WDR72: variants seen among roughly 807,000 people sequenced by gnomAD.
WDR72 encodes the protein WD repeat-containing protein 72.
A neutral mutation model predicts 124.2 loss-of-function variants in WDR72; 120 were observed. That is an observed-to-expected ratio of 0.97 (90% CI 0.83 to 1.12). The LOEUF (loss-of-function observed/expected upper bound fraction) is 1.12. Among genes scored for constraint, WDR72 ranks in the 50% most tolerant of loss-of-function variants. The probability of loss-of-function intolerance (pLI) is 0.00; values close to 1 mark genes in which losing one functional copy is unlikely to be tolerated. For missense variants in WDR72, 1,387 were observed against 1,278.8 expected, an observed-to-expected ratio of 1.08 and a Z score of -1.29; for synonymous variants, 452 against 441.7, an observed-to-expected ratio of 1.02 and a Z score of -0.29.
chr15:53,646,249 C>T (rs1168909299), intron 14 of WDR72, among the ~76,000 whole-genome samples: 2 of 151,996 alleles, frequency 1.3e-5, no homozygotes, highest in Non-Finnish European at 2.9e-5. Context: ...AACCAAAGTC[C>T]TAATTATAAA....
chr15:53,706,371 T>TATATATATATATACATATATATATATAC (rs1567040202), intron 9 of WDR72, among the ~76,000 whole-genome samples: 3 of 52,644 alleles, frequency 5.7e-5, no homozygotes, highest in South Asian at 1.2e-3. Flanking sequence ...TATATATATA[T>TATATATATATATACATATATATATATAC]ATATATATAT....
At chr15:53,751,774 C>A (rs1461413) in intron 1 of WDR72, among the ~76,000 whole-genome samples, 1 of 152,078 alleles carries the variant, frequency 6.6e-6, no homozygotes, top group African/African-American at 2.4e-5. Flanking sequence ...CAGCATGTAC[C>A]GGTGGGTCAG....
chr15:53,703,945 T>G (rs1183925569), intron 11 of WDR72, among the ~76,000 whole-genome samples: 1 of 152,156 alleles, frequency 6.6e-6, no homozygotes, highest in Non-Finnish European at 1.5e-5. Context: ...TAAATCAGCC[T>G]AGATAAAAAC....
At chr15:53,588,320 A>G (rs11070992) in intron 18 of WDR72, among the ~76,000 whole-genome samples, 48,046 of 151,852 alleles carry the variant, frequency 0.32, 8,171 homozygotes, top group Admixed American at 0.42. Context: ...CAAGGAGTTC[A>G]CAGAGTTGGG....
chr15:53,556,059 T>G (rs1321031004), intron 18 of WDR72, among the ~76,000 whole-genome samples: 1 of 152,148 alleles, frequency 6.6e-6, no homozygotes, highest in African/African-American at 2.4e-5. Context: ...AATAAATGTT[T>G]GGATGACAAT....
In WDR72 at chr15:53,745,003, G is replaced by A. The variant is rs568859996; in HGVS notation, c.-12-11842C>T. Among the ~76,000 whole-genome samples, 71 of 144,468 alleles carry A rather than the reference G, an allele frequency of 4.9e-4. No individual in the cohort carries two copies. The South Asian group carries it at 0.015, about 31-fold the overall frequency. 94.8% of individuals were successfully genotyped at this position (144,468 alleles called of 152,430 possible). ...GGTTGTATCCAGCATGCCACTATTT[G>A]TATTATTTTAATTCAAACTATACTT... On this transcript the variant is annotated intron_variant, in intron 1 of 19. Transcript: ENST00000360509.
At chr15:53,626,677 T>C (rs1251931537) in intron 14 of WDR72, among the ~76,000 whole-genome samples, 1 of 152,232 alleles carries the variant, frequency 6.6e-6, no homozygotes, top group Non-Finnish European at 1.5e-5. Flanking sequence ...AACAGATGAT[T>C]GGCTATTTCT....
intron 14 of WDR72, among the ~76,000 whole-genome samples, chr15:53,656,346 G>A (rs1285030585): frequency 3.3e-5 from 5 of 152,160 alleles, no homozygotes; most frequent in African/African-American, 1.2e-4. Context: ...AGAAAAATGG[G>A]CAAGAACGTT....
intron 3 of WDR72, among the ~76,000 whole-genome samples, chr15:53,721,365 T>G (rs1002707810): frequency 4.6e-5 from 7 of 152,202 alleles, no homozygotes; most frequent in African/African-American, 1.7e-4. Context: ...CAGTTAGCTA[T>G]TATGTATTTC....
chr15:53,542,868 A>C, intron 18 of WDR72, among the ~76,000 whole-genome samples: 2 of 127,284 alleles, frequency 1.6e-5, no homozygotes, highest in Admixed American at 8.1e-5. Context: ...AACAGACTTT[A>C]AACCAACAAA....
intron 5 of WDR72, among the ~76,000 whole-genome samples, chr15:53,714,920 C>T (rs1277448766): frequency 6.6e-6 from 1 of 152,122 alleles, no homozygotes; most frequent in Non-Finnish European, 1.5e-5. Flanking sequence ...GCTTGTCACT[C>T]TTAAAATGTA....
At chr15:53,674,968 G>C (rs971788653) in intron 13 of WDR72, among the ~76,000 whole-genome samples, 6 of 152,160 alleles carry the variant, frequency 3.9e-5, no homozygotes, top group African/African-American at 1.4e-4. Context: ...TGAAACACCT[G>C]GAGGTTTAAA....
chr15:53,592,722 C>G lies in WDR72; in HGVS notation c.3148+4357G>C, dbSNP rs139560630. On this transcript the variant is annotated intron_variant, in intron 18 of 19. Coordinates refer to ENST00000360509, the MANE Select transcript of WDR72 (RefSeq NM_182758.4). ...TACAAAGCCTCCATTTCTAGTTCAACCAATTTATTTAATGGAACAATTTAG... is the reference window on the plus strand; with the variant it reads ...TACAAAGCCTCCATTTCTAGTTCAAGCAATTTATTTAATGGAACAATTTAG... Among the ~76,000 whole-genome samples the G allele has an allele frequency of 2.6e-5, 4 of 152,070 alleles. No individual in the cohort carries two copies. In the East Asian group the frequency reaches 7.8e-4, roughly 30 times the overall value.
chr15:53,617,665 T>G (rs1297019375), intron 14 of WDR72, among the ~76,000 whole-genome samples: 7 of 151,602 alleles, frequency 4.6e-5, no homozygotes, highest in Non-Finnish European at 1.0e-4. Flanking sequence ...ACAAAACAAA[T>G]ATTCAAAAGT....
rs181265942 is a variant in WDR72 at position 53,551,173 on chromosome 15, G to C, written c.3149-27851C>G. On this transcript the variant is annotated intron_variant, in intron 18 of 19. Coordinates refer to ENST00000360509, the MANE Select transcript of WDR72 (RefSeq NM_182758.4). ...CTGAGGCAAGAAGGAGCTTGGCCTGGTCTGGGGAATGGAGGATGGCCAGTG... is the reference window on the plus strand; with the variant it reads ...CTGAGGCAAGAAGGAGCTTGGCCTGCTCTGGGGAATGGAGGATGGCCAGTG... 2.4e-3 allele frequency among the ~76,000 whole-genome samples: 361 copies of C among 152,222 alleles called. 1 individual carries two copies. Among genetic ancestry groups the C allele is most frequent in the African/African-American group, 8.3e-3 (346 of 41,546 alleles).
rs775213629 is a variant in WDR72 at position 53,597,111 on chromosome 15, A to T, written c.3116T>A (p.Leu1039Ter). ...PKLEWTEELELQCVRNTLPLQ... is the reference protein window; with the variant it reads ...PKLEWTEELE ...AGGCAAAGTGTTTCTAACACACTGT[A>T]ACTCTAGTTCTTCTGTCCATTCCAG... Residue 1039 changes from leucine to a stop codon, truncating the protein, a stop_gained, in exon 18 of 20, where the codon TTA becomes TAA. Transcript: ENST00000360509. LOFTEE classifies it high-confidence loss of function. The T allele has an allele frequency of 6.2e-7, 1 of 1,613,866 alleles. No homozygotes were observed. The highest frequency in any genetic ancestry group is 1.1e-5 in the South Asian group (1 of 91,076).
At chr15:53,651,235 T>C (rs1422646192) in intron 14 of WDR72, among the ~76,000 whole-genome samples, 1 of 152,188 alleles carries the variant, frequency 6.6e-6, no homozygotes, top group Non-Finnish European at 1.5e-5. Context: ...TCTCTGGTTC[T>C]TTCTTGCAAT....
At chr15:53,678,219 C>T (rs955589109) in intron 13 of WDR72, among the ~76,000 whole-genome samples, 1 of 152,170 alleles carries the variant, frequency 6.6e-6, no homozygotes. Flanking sequence ...GCCCTTAAAA[C>T]ATTTTATTTT....
intron 18 of WDR72, among the ~76,000 whole-genome samples, chr15:53,572,748 C>A (rs1011563150): frequency 8.5e-5 from 13 of 152,152 alleles, no homozygotes; most frequent in African/African-American, 3.1e-4. Context: ...CTGACTGATA[C>A]TTGGATTTAA....
Sources: gnomAD v4.1 joint callset for allele counts (sites outside exome capture counted in the v4.1 genomes callset) on GRCh38, gnomAD v4.1.1 for gene constraint, MANE v1.5 for transcripts, NCBI Gene and HGNC (gene_info 2026-07-23, HGNC 2026-07-21) for gene names.